COG5: variants seen among roughly 807,000 people sequenced by gnomAD.
The protein encoded by COG5 is component of oligomeric golgi complex 5.
COG5 carries 86 observed loss-of-function variants against 110.4 expected under a neutral mutation model. That is an observed-to-expected ratio of 0.78 (90% confidence interval 0.65 to 0.93). The LOEUF is 0.93. Among genes scored for constraint, COG5 ranks in the 40% least tolerant of loss-of-function variants. The pLI, the probability that COG5 is intolerant of heterozygous loss-of-function variation, is 0.00. For synonymous variants in COG5, 360 were observed against 334.6 expected (o/e 1.08, Z -0.83); for missense variants, 1,077 against 987.0 (o/e 1.09, Z -1.22).
intron 10 of COG5, among the ~76,000 whole-genome samples, chr7:107,337,292 T>G (rs975694521): frequency 1.3e-5 from 2 of 152,194 alleles, no homozygotes; most frequent in African/African-American, 4.8e-5. Context: ...GCAATCACAT[T>G]ACTGGGTATT....
At chr7:107,209,028 G>A in intron 21 of COG5, 1 of 977,324 alleles carries the variant, frequency 1.0e-6, no homozygotes, top group Non-Finnish European at 1.2e-6. Context: ...AGAGACCTGG[G>A]CACTAGGAAT....
At chr7:107,483,800 T>G (rs1017638294) in intron 6 of COG5, among the ~76,000 whole-genome samples, 1 of 151,962 alleles carries the variant, frequency 6.6e-6, no homozygotes, top group African/African-American at 2.4e-5. Context: ...AGTAATATAT[T>G]CCAGATAAAC....
At chr7:107,532,331 A>G (rs886755721) in intron 5 of COG5, among the ~76,000 whole-genome samples, 2 of 152,204 alleles carry the variant, frequency 1.3e-5, no homozygotes, top group African/African-American at 4.8e-5. Flanking sequence ...TGCTGGGATT[A>G]TAGGAATGGA....
Position 107,201,804 on chromosome 7 carries a change from C to CTGTT in COG5, c.*1708_*1711dup, listed in dbSNP as rs1336785949. On this transcript the variant is annotated 3_prime_UTR_variant, in exon 22 of 22. Transcript: ENST00000297135. ...GGGGAATTTAAAAAATATGTAACTGCTGTTTATACATTGGCTCCTTACTGC... is the reference window on the plus strand; with the variant it reads ...GGGGAATTTAAAAAATATGTAACTGCTGTTTGTTTATACATTGGCTCCTTACTGC... 3 of 179,392 alleles carry CTGTT rather than the reference C, an allele frequency of 1.7e-5. No individual in the cohort carries two copies. The highest frequency in any genetic ancestry group is 7.1e-5 in the African/African-American group (3 of 42,394). The allele number at this position is 179,392 out of a possible 1,614,324, so 11.1% of individuals were successfully genotyped here.
chr7:107,211,028 G>A (rs1406439047), intron 20 of COG5, 71 bp downstream of exon 20: 5 of 1,547,870 alleles, frequency 3.2e-6, no homozygotes, highest in South Asian at 1.1e-5. Context: ...CATTCAGTGA[G>A]TAGGGGCTCA....
At chr7:107,404,885 G>GAA (rs59988899) in intron 7 of COG5, among the ~76,000 whole-genome samples, 45 of 32,358 alleles carry the variant, frequency 1.4e-3, no homozygotes, top group East Asian at 3.8e-3. Context: ...TTCAGAAGAT[G>GAA]AAAAAAAAAA....
At chr7:107,531,892 T>G (rs1801238383) in intron 5 of COG5, among the ~76,000 whole-genome samples, 1 of 152,132 alleles carries the variant, frequency 6.6e-6, no homozygotes, top group South Asian at 2.1e-4. Flanking sequence ...CAAAGCCTAT[T>G]CAAGTCAGTT....
intron 7 of COG5, among the ~76,000 whole-genome samples, chr7:107,407,281 C>T (rs1791921528): frequency 2.0e-5 from 3 of 152,090 alleles, no homozygotes; most frequent in South Asian, 4.1e-4. Context: ...ACTCGGGGGG[C>T]TGAGGTGGGA....
At chr7:107,412,379 T>C in intron 7 of COG5, 123 bp downstream of exon 7, 8 of 857,356 alleles carry the variant, frequency 9.3e-6, no homozygotes, top group South Asian at 3.2e-5. Flanking sequence ...ATTTAAATTG[T>C]AGACATACTT....
chr7:107,239,149 A>G (rs182010265), intron 17 of COG5, among the ~76,000 whole-genome samples: 1 of 152,288 alleles, frequency 6.6e-6, no homozygotes, highest in Admixed American at 6.5e-5. Flanking sequence ...ATGGTATGAG[A>G]TAAGGGTCCA....
chr7:107,521,508 G>A (rs751833756), intron 6 of COG5, among the ~76,000 whole-genome samples: 2 of 152,172 alleles, frequency 1.3e-5, no homozygotes, highest in Admixed American at 6.5e-5. Flanking sequence ...CTCAAAAGAC[G>A]ACATTTATGC....
intron 18 of COG5, among the ~76,000 whole-genome samples, chr7:107,235,832 T>C (rs1201580294): frequency 2.0e-5 from 3 of 152,256 alleles, no homozygotes; most frequent in Non-Finnish European, 2.9e-5. Flanking sequence ...AAAATCTGTC[T>C]AAAGGACAAA....
intron 21 of COG5, 166 bp downstream of exon 21, chr7:107,210,360 A>C (rs980684733): frequency 2.0e-5 from 29 of 1,437,666 alleles, no homozygotes; most frequent in Admixed American, 2.8e-5. Flanking sequence ...AACATTTCCA[A>C]CTGCTGGTTG....
At position 107,348,575 on chromosome 7, in the gene COG5, A is replaced by G. The variant is rs553332721; in HGVS notation, c.1026+13458T>C. Among the ~76,000 whole-genome samples the G allele has an allele frequency of 1.6e-4, 24 of 152,342 alleles. 1 individual carries two copies. The South Asian group carries it at 2.1e-3, about 13-fold the overall frequency. On this transcript the variant is annotated intron_variant, in intron 10 of 21. Transcript: ENST00000297135. The stretch of plus-strand genomic sequence containing the variant: ...TCTACTTGTATTTAAAAATTAGCAT[A>G]AAGTTTTTCTTATTGTCCTCTTATT...
At chr7:107,356,954 A>C (rs745540106) in intron 10 of COG5, among the ~76,000 whole-genome samples, 2 of 152,180 alleles carry the variant, frequency 1.3e-5, no homozygotes, top group Non-Finnish European at 2.9e-5. Context: ...CCTTGAAAAG[A>C]GGTTAGAAAA....
chr7:107,406,003 T>C (rs1473043640), intron 7 of COG5, among the ~76,000 whole-genome samples: 1 of 152,202 alleles, frequency 6.6e-6, no homozygotes, highest in African/African-American at 2.4e-5. Context: ...AATTTCTGTT[T>C]ATAAGCCACC....
intron 17 of COG5, among the ~76,000 whole-genome samples, chr7:107,247,668 C>A (rs1260670120): frequency 6.6e-6 from 1 of 152,096 alleles, no homozygotes; most frequent in African/African-American, 2.4e-5. Context: ...TCCAAATGCT[C>A]CAAAGTTTTC....
chr7:107,359,228 C>A (rs1203638255), intron 10 of COG5, among the ~76,000 whole-genome samples: 1 of 152,228 alleles, frequency 6.6e-6, no homozygotes, highest in Non-Finnish European at 1.5e-5. Flanking sequence ...CCTCTCCCAA[C>A]TCCCAGCACC....
At chr7:107,400,724 A>C (rs1321518668) in intron 7 of COG5, among the ~76,000 whole-genome samples, 1 of 152,188 alleles carries the variant, frequency 6.6e-6, no homozygotes, top group Non-Finnish European at 1.5e-5. Context: ...AATTAGATGT[A>C]AGTCCACACT....
Sources: allele counts gnomAD v4.1 joint callset (sites outside exome capture counted in the v4.1 genomes callset), GRCh38; gene constraint gnomAD v4.1.1; transcripts MANE v1.5; gene names NCBI Gene and HGNC (gene_info 2026-07-23, HGNC 2026-07-21).